Variants in KCNU1 observed in about 807,000 individuals in gnomAD.
The protein encoded by KCNU1 is potassium channel subfamily U member 1.
KCNU1 carries 93 observed loss-of-function variants against 126.8 expected under a neutral mutation model. The ratio of observed to expected loss-of-function variants is 0.73; its 90% confidence interval spans 0.62 to 0.87. KCNU1 has a LOEUF of 0.87. Ranked by LOEUF, KCNU1 falls within the 40% of genes least tolerant of loss-of-function variation. The probability of loss-of-function intolerance (pLI) is 0.00; values close to 1 mark genes in which losing one functional copy is unlikely to be tolerated. For missense variants in KCNU1, 1,330 were observed against 1,367.1 expected, an observed-to-expected ratio of 0.97 and a Z score of 0.43; for synonymous variants, 523 against 494.2, an observed-to-expected ratio of 1.06 and a Z score of -0.77.
intron 16 of KCNU1, among the ~76,000 whole-genome samples, chr8:36,841,895 A>G (rs980495232): frequency 6.6e-6 from 1 of 152,178 alleles, no homozygotes; most frequent in Non-Finnish European, 1.5e-5. Context: ...ATTCAGAGCA[A>G]ATGAAATATA....
chr8:36,859,760 G>A (rs1805661304), intron 18 of KCNU1, among the ~76,000 whole-genome samples: 1 of 152,170 alleles, frequency 6.6e-6, no homozygotes, highest in Non-Finnish European at 1.5e-5. Flanking sequence ...TTTACTAACT[G>A]TGTGACTTTA....
chr8:36,897,634 T>G (rs531735717), intron 19 of KCNU1, among the ~76,000 whole-genome samples: 2 of 152,118 alleles, frequency 1.3e-5, no homozygotes, highest in East Asian at 1.9e-4. Flanking sequence ...TTTAAAAAAC[T>G]AAAGCACAGG....
chr8:36,849,765 T>A (rs1180346179), intron 18 of KCNU1, among the ~76,000 whole-genome samples: 3 of 152,222 alleles, frequency 2.0e-5, no homozygotes, highest in Non-Finnish European at 4.4e-5. Flanking sequence ...TTACATATTG[T>A]ATATAATGCT....
At chr8:36,811,861 G>A (rs1803729485) in intron 7 of KCNU1, among the ~76,000 whole-genome samples, 1 of 152,268 alleles carries the variant, frequency 6.6e-6, no homozygotes. Context: ...GAGGGCAGGA[G>A]TTCGAGACCA....
Position 36,827,397 on chromosome 8 carries a change from C to G in KCNU1, c.1107-6157C>G, listed in dbSNP as rs548467324. On this transcript the variant is annotated intron_variant, in intron 10 of 26. Transcript: ENST00000399881. ...GTCAGGGGAACTGCACTTTTTTGTCCTTTGACTTGTGTGACCACGAAATGT... is the reference window on the plus strand; with the variant it reads ...GTCAGGGGAACTGCACTTTTTTGTCGTTTGACTTGTGTGACCACGAAATGT... Among the ~76,000 whole-genome samples, 36 of 152,202 alleles carry G rather than the reference C, an allele frequency of 2.4e-4. No individual in the cohort carries two copies. The South Asian group carries it at 7.5e-3, about 32-fold the overall frequency.
rs761265375 is a variant in KCNU1, at chr8:36,836,849, C to G, written c.1422C>G (p.Cys474Trp). The change falls in exon 14 of 27, where the codon TGC becomes TGG. Residue 474 changes from cysteine to tryptophan, a missense_variant. This residue lies in a region of KCNU1 where 1,054 missense variants were observed against 1,053.9 expected (regional missense o/e 1.00). Coordinates refer to ENST00000399881, the MANE Select transcript of KCNU1 (RefSeq NM_001031836.3). ...GGGACACCGGAGACAACATCATCTGCTTTGCTGAATTAAAACTTGGATTTA... is the reference window on the plus strand; with the variant it reads ...GGGACACCGGAGACAACATCATCTGGTTTGCTGAATTAAAACTTGGATTTA... ...WNWDTGDNII[C>W]FAELKLGFIA... 1.9e-6 allele frequency: 3 copies of G among 1,613,772 alleles called. No individual in the cohort carries two copies. In the Admixed American group the frequency reaches 5.0e-5, roughly 27 times the overall value.
chr8:36,883,799 G>T (rs17185718), intron 19 of KCNU1, among the ~76,000 whole-genome samples: 1 of 152,014 alleles, frequency 6.6e-6, no homozygotes. Flanking sequence ...TCAAAAAAAA[G>T]ACTTCTGCTG....
At chr8:36,900,964 ACT>A (rs1314672340) in intron 19 of KCNU1, among the ~76,000 whole-genome samples, 1 of 151,924 alleles carries the variant, frequency 6.6e-6, no homozygotes, top group Non-Finnish European at 1.5e-5. Context: ...AGGCCAGAAA[ACT>A]CTCTTAAGAA....
chr8:36,911,018 C>G lies in KCNU1; in HGVS notation c.2420C>G (p.Ser807Ter). 6.2e-7 allele frequency: 1 copy of G among 1,613,732 alleles called. No individual in the cohort carries two copies. The highest frequency in any genetic ancestry group is 2.2e-5 in the East Asian group (1 of 44,844). ...CAVLSPPPQP[S>*]SNQTLVDTEA... ...GTCTTGTCCCCCCCACCCCAGCCAT[C>G]AAGCAACCAGACTTTGGTAGACACA... The change falls in exon 22 of 27, where the codon TCA becomes TGA. Residue 807 changes from serine to a stop codon, truncating the protein, a stop_gained. Transcript: ENST00000399881. LOFTEE classifies it high-confidence loss of function.
chr8:36,865,525 G>A (rs1805874704), intron 19 of KCNU1, among the ~76,000 whole-genome samples: 1 of 151,658 alleles, frequency 6.6e-6, no homozygotes, highest in Admixed American at 6.6e-5. Context: ...CAGTGCTTTA[G>A]GAGGCTGAGC....
intron 7 of KCNU1, among the ~76,000 whole-genome samples, chr8:36,811,660 G>A (rs551027796): frequency 1.6e-4 from 24 of 152,266 alleles, no homozygotes; most frequent in African/African-American, 4.6e-4. Flanking sequence ...GGCTGGGCAC[G>A]GTGGCTCACG....
rs536138541 is a variant in KCNU1, at chr8:36,846,579, G to A, written c.1891+680G>A. ...AGCATTTTGGGAGGCCAAGGGGGGT[G>A]GATCATGAGGTCAGGAATTCAAGAC... On this transcript the variant is annotated intron_variant, in intron 18 of 26. Coordinates refer to ENST00000399881, the MANE Select transcript of KCNU1 (RefSeq NM_001031836.3). Among the ~76,000 whole-genome samples the A allele has an allele frequency of 1.7e-3, 262 of 152,184 alleles. 1 individual carries two copies. Among genetic ancestry groups the A allele is most frequent in the Middle Eastern group, 6.8e-3 (2 of 294 alleles).
intron 5 of KCNU1, among the ~76,000 whole-genome samples, 199 bp from the exon 6 acceptor site, chr8:36,807,176 G>A (rs969119439): frequency 3.9e-5 from 6 of 152,166 alleles, no homozygotes; most frequent in African/African-American, 1.2e-4. Flanking sequence ...GAGAAGGCGA[G>A]GGGATTGCCT....
chr8:36,847,116 G>A (rs552718414), intron 18 of KCNU1, among the ~76,000 whole-genome samples: 2 of 152,222 alleles, frequency 1.3e-5, no homozygotes, highest in South Asian at 2.1e-4. Context: ...CTGGCTTTGG[G>A]TCAGGCTCTA....
chr8:36,857,609 T>C (rs1217114052), intron 18 of KCNU1, among the ~76,000 whole-genome samples: 4 of 147,002 alleles, frequency 2.7e-5, no homozygotes, highest in African/African-American at 9.8e-5. Flanking sequence ...TTTTGTTTTT[T>C]GTTTGTTTGT....
intron 24 of KCNU1, among the ~76,000 whole-genome samples, chr8:36,928,439 G>C (rs560965324): frequency 6.6e-6 from 1 of 151,944 alleles, no homozygotes; most frequent in Non-Finnish European, 1.5e-5. Flanking sequence ...CCCAGATATC[G>C]GGGACTTTAT....
intron 18 of KCNU1, among the ~76,000 whole-genome samples, chr8:36,849,758 C>T (rs1409811441): frequency 6.6e-6 from 1 of 152,172 alleles, no homozygotes; most frequent in Non-Finnish European, 1.5e-5. Context: ...CCACCCTTTA[C>T]ATATTGTATA....
chr8:36,866,123 G>T (rs889606686), intron 19 of KCNU1, among the ~76,000 whole-genome samples: 91 of 151,696 alleles, frequency 6.0e-4, no homozygotes, highest in African/African-American at 2.2e-3. Flanking sequence ...GCTTATTATT[G>T]CAATGATCAA....
At chr8:36,913,375 A>G (rs901859987) in intron 22 of KCNU1, among the ~76,000 whole-genome samples, 6 of 152,164 alleles carry the variant, frequency 3.9e-5, no homozygotes, top group African/African-American at 1.4e-4. Flanking sequence ...AAAGGCAAAG[A>G]GAAAAGGAAG....
Sources: gnomAD v4.1 joint callset for allele counts (sites outside exome capture counted in the v4.1 genomes callset) on GRCh38, gnomAD v4.1.1 for gene constraint, gnomAD v4.1.1 regional missense constraint, MANE v1.5 for transcripts, NCBI Gene and HGNC (gene_info 2026-07-23, HGNC 2026-07-21) for gene names.